The following SPMAP1 variants were observed in gnomAD, a reference collection of about 807,000 sequenced individuals.
SPMAP1 encodes sperm microtubule associated protein 1, also known as uncharacterized protein C17orf98.
the SPMAP1 span, chr17:38,841,042 A>C: frequency 1.6e-6 from 1 of 612,154 alleles, no homozygotes. Context: ...ACTTTGTCTC[A>C]AAATAATAAT....
the SPMAP1 span, chr17:38,837,104 G>A: frequency 6.9e-7 from 1 of 1,447,206 alleles, no homozygotes; most frequent in Non-Finnish European, 9.7e-7. Context: ...TATGGCCCAG[G>A]AACCATGATG....
chr17:38,838,686 G>A, the SPMAP1 span, among the ~76,000 whole-genome samples: 1 of 152,196 alleles, frequency 6.6e-6, no homozygotes, highest in Non-Finnish European at 1.5e-5. Flanking sequence ...GGCTGAGACT[G>A]GAGGATTGCT....
At chr17:38,841,161 G>A in the SPMAP1 span, 3 of 1,586,778 alleles carry the variant, frequency 1.9e-6, no homozygotes, top group Admixed American at 3.4e-5. Context: ...GGTGTGTGGG[G>A]TCTTCCGGGA....
At chr17:38,840,833 C>A in the SPMAP1 span, among the ~76,000 whole-genome samples, 2 of 150,798 alleles carry the variant, frequency 1.3e-5, no homozygotes, top group East Asian at 3.9e-4. Context: ...CATGGCGAAA[C>A]CCCGTCTCTA....
chr17:38,836,581 CTTTCTTTTTTTTTTTTT>C, the SPMAP1 span, among the ~76,000 whole-genome samples: 2 of 97,400 alleles, frequency 2.1e-5, no homozygotes, highest in African/African-American at 3.4e-5. Flanking sequence ...TTCTTTCTTT[CTTTCTTTTTTTTTTTTT>C]TTTTTTTTTT....
At chr17:38,839,301 G>A in the SPMAP1 span, among the ~76,000 whole-genome samples, 7 of 151,082 alleles carry the variant, frequency 4.6e-5, no homozygotes, top group Admixed American at 4.6e-4. Context: ...CTTGAGCTCA[G>A]GAGTTTAAGA....
At chr17:38,841,031 G>A in the SPMAP1 span, 2 of 575,708 alleles carry the variant, frequency 3.5e-6, no homozygotes, top group Non-Finnish European at 5.9e-6. Flanking sequence ...GACAGAGCGA[G>A]ACTTTGTCTC....
the SPMAP1 span, among the ~76,000 whole-genome samples, chr17:38,836,033 G>A: frequency 6.6e-6 from 1 of 152,046 alleles, no homozygotes; most frequent in Non-Finnish European, 1.5e-5. Context: ...TCCTGCCTCA[G>A]CCTCCTAAGT....
chr17:38,837,373 G>T, the SPMAP1 span: 1 of 692,598 alleles, frequency 1.4e-6, no homozygotes, highest in Non-Finnish European at 2.6e-6. Context: ...GGTGCAGACA[G>T]ATTAAATATA....
the SPMAP1 span, among the ~76,000 whole-genome samples, chr17:38,836,805 A>C: frequency 2.0e-5 from 3 of 151,912 alleles, no homozygotes; most frequent in Non-Finnish European, 4.4e-5. Flanking sequence ...CAGGTTGGCC[A>C]GGCTGGTTTG....
the SPMAP1 span, chr17:38,835,167 G>T: frequency 1.2e-6 from 2 of 1,611,718 alleles, no homozygotes; most frequent in Non-Finnish European, 1.7e-6. Flanking sequence ...CAGGTCGATG[G>T]CTATGAAGGG....
At chr17:38,839,085 C>CA in the SPMAP1 span, among the ~76,000 whole-genome samples, 15,992 of 63,366 alleles carry the variant, frequency 0.25, 2,202 homozygotes, top group Non-Finnish European at 0.27. Context: ...GACTCTGTCT[C>CA]AAAAAAAAAA....
At chr17:38,837,140 C>A in the SPMAP1 span, 1 of 1,605,620 alleles carries the variant, frequency 6.2e-7, no homozygotes, top group Non-Finnish European at 8.5e-7. Flanking sequence ...GCAGCACTTG[C>A]CTGTCCCTGC....
the SPMAP1 span, among the ~76,000 whole-genome samples, chr17:38,837,975 G>A: frequency 6.6e-6 from 1 of 152,080 alleles, no homozygotes; most frequent in Admixed American, 6.6e-5. Context: ...TGCAACCTCC[G>A]CTTCCTGGGT....
the SPMAP1 span, among the ~76,000 whole-genome samples, chr17:38,839,275 C>T: frequency 5.9e-4 from 89 of 151,162 alleles, 1 homozygote; most frequent in African/African-American, 1.7e-3. Context: ...TTTGGGAGGC[C>T]GAGATGGGCA....
chr17:38,840,158 G>A, the SPMAP1 span, among the ~76,000 whole-genome samples: 2 of 152,112 alleles, frequency 1.3e-5, no homozygotes, highest in African/African-American at 2.4e-5. Context: ...GGTTTGAGAG[G>A]TGTCCCTCCC....
chr17:38,838,141 C>G, the SPMAP1 span, among the ~76,000 whole-genome samples: 53 of 152,132 alleles, frequency 3.5e-4, no homozygotes, highest in African/African-American at 1.0e-3. Flanking sequence ...CCTCGGCCTC[C>G]CAAAGTGCTG....
the SPMAP1 span, among the ~76,000 whole-genome samples, chr17:38,835,834 G>T: frequency 6.6e-6 from 1 of 152,188 alleles, no homozygotes; most frequent in Non-Finnish European, 1.5e-5. Context: ...CTTTCCCATT[G>T]TTGTTAACCT....
At chr17:38,838,706 C>T in the SPMAP1 span, among the ~76,000 whole-genome samples, 1 of 152,236 alleles carries the variant, frequency 6.6e-6, no homozygotes, top group East Asian at 1.9e-4. Flanking sequence ...TTGAGCCCAG[C>T]AGTTCAAGGC....
Sources: gnomAD v4.1 joint callset for allele counts (sites outside exome capture counted in the v4.1 genomes callset) on GRCh38, gnomAD v4.1.1 for gene constraint, MANE v1.5 for transcripts, NCBI Gene and HGNC (gene_info 2026-07-23, HGNC 2026-07-21) for gene names.